RBFOX1: variants seen among roughly 807,000 people sequenced by gnomAD.
RBFOX1 encodes RNA binding protein fox-1 homolog 1.
A neutral mutation model predicts 57.7 loss-of-function variants in RBFOX1; 8 were observed. The observed-to-expected ratio is 0.14, with a 90% CI of 0.08 to 0.25. RBFOX1 has a LOEUF of 0.25. Ranked by LOEUF, RBFOX1 falls within the 10% of genes least tolerant of loss-of-function variation. The pLI is 1.00. For missense variants in RBFOX1, 611 were observed against 548.5 expected (o/e 1.11, Z -1.14); for synonymous variants, 326 against 222.4 (o/e 1.47, Z -4.15).
chr16:6,268,685 G>T lies in RBFOX1; in HGVS notation c.-126-48310G>T, dbSNP rs917883571. Among the ~76,000 whole-genome samples, 7 of 152,276 alleles carry T rather than the reference G, an allele frequency of 4.6e-5. 1 individual carries two copies. The South Asian group carries it at 1.5e-3, about 32-fold the overall frequency. On this transcript the variant is annotated intron_variant, in intron 1 of 15. Transcript: ENST00000550418. ...GGCCTTGGGAATACAGTGGAAAATT[G>T]AAAGAGTCAGGTGTTTGTTCTTAGG...
intron 3 of RBFOX1, among the ~76,000 whole-genome samples, chr16:6,775,281 G>A (rs1168593875): frequency 1.4e-5 from 2 of 138,044 alleles, no homozygotes; most frequent in Non-Finnish European, 3.0e-5. Context: ...AGTGAGCTGA[G>A]ATCGCGCCAC....
chr16:5,267,217 A>T (rs2062881063), intron 1 of RBFOX1, among the ~76,000 whole-genome samples: 1 of 152,156 alleles, frequency 6.6e-6, no homozygotes, highest in South Asian at 2.1e-4. Context: ...AATCTTGTGG[A>T]TGACTCATGC....
intron 3 of RBFOX1, among the ~76,000 whole-genome samples, chr16:6,695,395 G>T (rs943693695): frequency 8.2e-6 from 1 of 121,996 alleles, no homozygotes; most frequent in Non-Finnish European, 1.6e-5. Context: ...CAGCCTGAGA[G>T]TAAGAGAGAA....
intron 3 of RBFOX1, among the ~76,000 whole-genome samples, chr16:6,910,731 G>C (rs1439304255): frequency 6.6e-6 from 1 of 152,204 alleles, no homozygotes; most frequent in East Asian, 1.9e-4. Context: ...ATTTCCTAAA[G>C]TAGCGGAGAG....
chr16:6,541,330 A>C lies in RBFOX1; in HGVS notation c.-63-113273A>C, dbSNP rs1008754250. On this transcript the variant is annotated intron_variant, in intron 2 of 15. Coordinates refer to ENST00000550418, the MANE Select transcript of RBFOX1 (RefSeq NM_018723.4). ...AGGTGACTCTGGCATTCATTCATTC[A>C]TGTAACAAGTATTTATGGAGCACTT... Among the ~76,000 whole-genome samples the C allele has an allele frequency of 3.3e-5, 5 of 152,164 alleles. No individual in the cohort carries two copies. In the East Asian group the frequency reaches 7.7e-4, roughly 23 times the overall value.
chr16:5,959,288 C>G (rs912121492), intron 4 of RBFOX1, among the ~76,000 whole-genome samples: 3 of 152,198 alleles, frequency 2.0e-5, no homozygotes, highest in Non-Finnish European at 2.9e-5. Flanking sequence ...CATGGATGCT[C>G]CCAGCCCACT....
intron 3 of RBFOX1, among the ~76,000 whole-genome samples, chr16:5,605,554 T>C (rs984319551): frequency 6.6e-6 from 1 of 151,982 alleles, no homozygotes; most frequent in Non-Finnish European, 1.5e-5. Context: ...CATTGATTAG[T>C]AATGTCTGCC....
rs139626649 is a variant in RBFOX1, at chr16:7,310,581, A to G, written c.28-207566A>G. Among the ~76,000 whole-genome samples the G allele has an allele frequency of 4.0e-3, 609 of 152,326 alleles. 5 individuals carry two copies. Among genetic ancestry groups the G allele is most frequent in the Non-Finnish European group, 2.9e-3 (200 of 68,024 alleles). ...AATTGTCATGGTCCAGTATTTCTCA[A>G]ACTTCAGACATTCAGGCACCACTTC... On this transcript the variant is annotated intron_variant, in intron 4 of 15. Transcript: ENST00000550418.
At chr16:6,544,870 G>C (rs9922965) in intron 2 of RBFOX1, among the ~76,000 whole-genome samples, 3 of 152,130 alleles carry the variant, frequency 2.0e-5, no homozygotes, top group Admixed American at 6.5e-5. Flanking sequence ...GTTGGAATCC[G>C]TTACCTTTGC....
At chr16:6,357,973 A>T (rs1206394278) in intron 2 of RBFOX1, among the ~76,000 whole-genome samples, 3 of 151,748 alleles carry the variant, frequency 2.0e-5, no homozygotes, top group African/African-American at 7.3e-5. Flanking sequence ...GAAAAAAAAA[A>T]AAAAAGAAAT....
intron 3 of RBFOX1, among the ~76,000 whole-genome samples, chr16:6,972,100 T>C (rs1190359714): frequency 6.6e-6 from 1 of 152,212 alleles, no homozygotes; most frequent in East Asian, 1.9e-4. Context: ...CCCATTGTGC[T>C]AAAAAGCACA....
At chr16:7,450,517 C>A (rs920297184) in intron 4 of RBFOX1, among the ~76,000 whole-genome samples, 13 of 152,090 alleles carry the variant, frequency 8.5e-5, no homozygotes, top group African/African-American at 2.2e-4. Flanking sequence ...TAACGGCCCC[C>A]GACTCCCACT....
At chr16:6,431,789 C>T (rs953695227) in intron 2 of RBFOX1, among the ~76,000 whole-genome samples, 1 of 152,042 alleles carries the variant, frequency 6.6e-6, no homozygotes, top group Admixed American at 6.6e-5. Context: ...CTTGGTGACT[C>T]AGTTTTCTCA....
At chr16:7,013,803 G>T (rs147115738) in intron 3 of RBFOX1, among the ~76,000 whole-genome samples, 28 of 152,158 alleles carry the variant, frequency 1.8e-4, no homozygotes, top group African/African-American at 5.3e-4. Context: ...AACTACAGGT[G>T]TGCACCAACA....
intron 2 of RBFOX1, among the ~76,000 whole-genome samples, chr16:6,528,275 C>A (rs147500254): frequency 6.6e-6 from 1 of 152,226 alleles, no homozygotes; most frequent in Non-Finnish European, 1.5e-5. Flanking sequence ...TGCCCTTCAA[C>A]TCTCAGAGAC....
chr16:6,766,040 G>A (rs550533912), intron 3 of RBFOX1, among the ~76,000 whole-genome samples: 1 of 152,076 alleles, frequency 6.6e-6, no homozygotes, highest in South Asian at 2.1e-4. Context: ...TACACTACTC[G>A]GGTGGCAGGT....
chr16:7,552,771 C>T (rs1330668793), intron 5 of RBFOX1, among the ~76,000 whole-genome samples: 2 of 152,138 alleles, frequency 1.3e-5, no homozygotes, highest in African/African-American at 4.8e-5. Flanking sequence ...CAACCTCTGC[C>T]TCCCAGGCTC....
chr16:6,989,776 G>A lies in RBFOX1; in HGVS notation c.-15-62281G>A, dbSNP rs578035672. On this transcript the variant is annotated intron_variant, in intron 3 of 15. Transcript: ENST00000550418. ...GCACTTTGGGAGGCTAAGGCAGGTGGATCACCTGAGGTCAGGATTTCGAAA... is the reference window on the plus strand; with the variant it reads ...GCACTTTGGGAGGCTAAGGCAGGTGAATCACCTGAGGTCAGGATTTCGAAA... 1.7e-3 allele frequency among the ~76,000 whole-genome samples: 264 copies of A among 152,238 alleles called. 1 individual carries two copies. The highest frequency in any genetic ancestry group is 2.6e-3 in the Non-Finnish European group (176 of 68,008).
intron 3 of RBFOX1, among the ~76,000 whole-genome samples, chr16:6,722,543 A>T (rs774951239): frequency 6.6e-6 from 1 of 151,852 alleles, no homozygotes; most frequent in African/African-American, 2.4e-5. Context: ...CATTTTGTAT[A>T]CTCAGTACCA....
Sources: gnomAD v4.1 joint callset for allele counts (sites outside exome capture counted in the v4.1 genomes callset) on GRCh38, gnomAD v4.1.1 for gene constraint, MANE v1.5 for transcripts, NCBI Gene and HGNC (gene_info 2026-07-23, HGNC 2026-07-21) for gene names.